Variants in ACER2 observed in about 807,000 individuals in gnomAD.
ACER2 encodes alkCDase 2.
ACER2 carries 26 observed loss-of-function variants against 34.7 expected under a neutral mutation model. That is an observed-to-expected ratio of 0.75 (90% CI 0.55 to 1.04). ACER2 has a LOEUF of 1.04. Among genes scored for constraint, ACER2 ranks in the 50% least tolerant of loss-of-function variants. The probability of loss-of-function intolerance (pLI) is 0.00; values close to 1 mark genes in which losing one functional copy is unlikely to be tolerated. For missense variants in ACER2, 352 were observed against 340.8 expected, an observed-to-expected ratio of 1.03 and a Z score of -0.26; for synonymous variants, 138 against 132.1, an observed-to-expected ratio of 1.04 and a Z score of -0.31.
intron 3 of ACER2, among the ~76,000 whole-genome samples, chr9:19,428,218 A>T (rs1830641666): frequency 6.7e-6 from 1 of 149,632 alleles, no homozygotes; most frequent in African/African-American, 2.5e-5. Flanking sequence ...CCCGGGCTGG[A>T]GTGCAATAGT....
At chr9:19,444,519 C>T (rs917487457) in intron 4 of ACER2, among the ~76,000 whole-genome samples, 4 of 152,182 alleles carry the variant, frequency 2.6e-5, no homozygotes, top group Non-Finnish European at 5.9e-5. Context: ...CATAAAATCT[C>T]ATAATGTTTT....
At chr9:19,434,105 C>T (rs1189381008) in intron 3 of ACER2, among the ~76,000 whole-genome samples, 19 of 150,998 alleles carry the variant, frequency 1.3e-4, no homozygotes, top group African/African-American at 3.7e-4. Flanking sequence ...GGGTGGCGGC[C>T]GGGCAGAGGC....
intron 5 of ACER2, among the ~76,000 whole-genome samples, chr9:19,448,974 A>T (rs1428084505): frequency 6.6e-6 from 1 of 152,150 alleles, no homozygotes; most frequent in Non-Finnish European, 1.5e-5. Flanking sequence ...CCCCGTCTCT[A>T]CTAAAAATGC....
chr9:19,446,350 C>G lies in ACER2; in HGVS notation c.573C>G (p.Cys191Trp). 1 of 1,614,176 alleles carries G rather than the reference C, an allele frequency of 6.2e-7. No homozygotes were observed. The highest frequency in any genetic ancestry group is 8.5e-7 in the Non-Finnish European group (1 of 1,180,044). The change falls in exon 5 of 6, where the codon TGC becomes TGG. Residue 191 changes from cysteine (C) to tryptophan (W), a missense_variant. Physicochemically the swap from Cys to Trp is radical, Grantham distance 215 (BLOSUM62 -2). Transcript: ENST00000340967. ...SGLWWTLALF[C>W]WISDRAFCEL... ...TCTGGTGGACCCTGGCCCTGTTCTG[C>G]TGGATCAGTGACCGAGCTTTCTGCG... is the stretch of plus-strand genomic sequence containing the variant.
intron 3 of ACER2, among the ~76,000 whole-genome samples, chr9:19,426,227 T>A (rs1471816482): frequency 9.8e-5 from 14 of 143,048 alleles, no homozygotes; most frequent in African/African-American, 3.3e-4. Flanking sequence ...GACTTTTTTT[T>A]TAAAAAAAAA....
intron 5 of ACER2, among the ~76,000 whole-genome samples, chr9:19,447,032 A>C (rs1344517763): frequency 2.0e-5 from 3 of 152,158 alleles, no homozygotes; most frequent in Non-Finnish European, 1.5e-5. Context: ...AAGTTAAAAA[A>C]AAAAAAGCGG....
At chr9:19,438,284 CA>C (rs1831036488) in intron 4 of ACER2, among the ~76,000 whole-genome samples, 1 of 152,212 alleles carries the variant, frequency 6.6e-6, no homozygotes, top group East Asian at 1.9e-4. Flanking sequence ...TGGTAGATCT[CA>C]GCAAATACTT....
intron 4 of ACER2, among the ~76,000 whole-genome samples, chr9:19,443,333 A>AAT (rs1831222278): frequency 6.6e-6 from 1 of 151,854 alleles, no homozygotes; most frequent in African/African-American, 2.4e-5. Context: ...CGCCCGGCAC[A>AAT]TTTATTGTGT....
chr9:19,446,120 T>C (rs1202137833), intron 4 of ACER2, 161 bp from the exon 5 acceptor site: 1 of 1,032,450 alleles, frequency 9.7e-7, no homozygotes, highest in Non-Finnish European at 1.5e-6. Flanking sequence ...ATATGGTATT[T>C]ACATCCATGA....
chr9:19,429,430 C>T (rs1830683074), intron 3 of ACER2, among the ~76,000 whole-genome samples: 1 of 152,120 alleles, frequency 6.6e-6, no homozygotes, highest in Admixed American at 6.5e-5. Flanking sequence ...TTCCTGCGCT[C>T]AAGTGATCCT....
intron 4 of ACER2, among the ~76,000 whole-genome samples, chr9:19,442,137 G>C (rs1831175725): frequency 6.6e-6 from 1 of 152,168 alleles, no homozygotes; most frequent in Admixed American, 6.5e-5. Context: ...ACTGAAATTG[G>C]TGGTGTTAAG....
Position 19,450,482 on chromosome 9 carries a change from G to T in ACER2, c.674G>T (p.Gly225Val), listed in dbSNP as rs775683275. ...CTCATCTGCCTTGCTGCCTACCTGG[G>T]CTGTGTATGCTTTGCCTACTTTGAT... ...HILICLAAYL[G>V]CVCFAYFDAA... Residue 225 changes from glycine (G) to valine (V), a missense_variant, in exon 6 of 6, where the codon GGC becomes GTC. Gly to Val is a moderately radical substitution (Grantham distance 109). Coordinates refer to ENST00000340967, the MANE Select transcript of ACER2 (RefSeq NM_001010887.3). 4 of 1,608,304 alleles carry T rather than the reference G, an allele frequency of 2.5e-6. No homozygotes were observed. Among genetic ancestry groups the T allele is most frequent in the Non-Finnish European group, 3.4e-6 (4 of 1,175,402 alleles).
intron 3 of ACER2, among the ~76,000 whole-genome samples, chr9:19,425,771 G>T (rs958590671): frequency 2.0e-5 from 3 of 152,144 alleles, no homozygotes; most frequent in African/African-American, 7.2e-5. Flanking sequence ...AACGCTCCTG[G>T]AACACATTAC....
chr9:19,413,202 T>G (rs1340565866), intron 1 of ACER2, among the ~76,000 whole-genome samples: 1 of 152,262 alleles, frequency 6.6e-6, no homozygotes, highest in African/African-American at 2.4e-5. Context: ...ATCTCTTCCA[T>G]GAACATGTAA....
intron 1 of ACER2, among the ~76,000 whole-genome samples, chr9:19,418,074 G>A (rs1830288539): frequency 6.6e-6 from 1 of 152,228 alleles, no homozygotes. Flanking sequence ...AGACATTTAT[G>A]TGGCCTACAA....
At position 19,451,931 on chromosome 9, in the gene ACER2, G is replaced by T. The variant is rs1831582381; in HGVS notation, c.*1295G>T. On this transcript the variant is annotated 3_prime_UTR_variant, in exon 6 of 6. Transcript: ENST00000340967. ...GAAGGTGCTTTCTCGGTTTCCCAGAGTATCCAACGGCTCACCTTTCTCAAG... is the reference window on the plus strand; with the variant it reads ...GAAGGTGCTTTCTCGGTTTCCCAGATTATCCAACGGCTCACCTTTCTCAAG... 7.3e-6 allele frequency: 1 copy of T among 137,580 alleles called. No individual in the cohort carries two copies. The highest frequency in any genetic ancestry group is 7.9e-5 in the Admixed American group (1 of 12,730). The allele number at this position is 137,580 out of a possible 1,614,324, so 8.5% of individuals were successfully genotyped here.
At chr9:19,426,906 G>A (rs7023819) in intron 3 of ACER2, among the ~76,000 whole-genome samples, 38,015 of 151,962 alleles carry the variant, frequency 0.25, 5,693 homozygotes, top group African/African-American at 0.42. Flanking sequence ...AATAATGAAA[G>A]CATATTGTGA....
intron 3 of ACER2, 93 bp downstream of exon 3, chr9:19,424,934 T>G (rs1563877953): frequency 2.7e-6 from 4 of 1,488,908 alleles, no homozygotes. Context: ...ATGATTGAAC[T>G]CAGCCTAGTG....
intron 4 of ACER2, among the ~76,000 whole-genome samples, chr9:19,442,487 C>T (rs1831186749): frequency 6.6e-6 from 1 of 152,224 alleles, no homozygotes; most frequent in Non-Finnish European, 1.5e-5. Flanking sequence ...AGGTAACAGG[C>T]TGCCCTGAGA....
Sources: allele counts gnomAD v4.1 joint callset (sites outside exome capture counted in the v4.1 genomes callset), GRCh38; gene constraint gnomAD v4.1.1; transcripts MANE v1.5; gene names NCBI Gene and HGNC (gene_info 2026-07-23, HGNC 2026-07-21).